Variants in GLIS3 observed in about 807,000 individuals in gnomAD.
The protein encoded by GLIS3 is GLIS family zinc finger 3, also known as zinc finger protein GLIS3.
A neutral mutation model predicts 78.6 loss-of-function variants in GLIS3; 53 were observed. The observed-to-expected ratio is 0.67, with a 90% CI of 0.54 to 0.85. The LOEUF (loss-of-function observed/expected upper bound fraction) is 0.85, where lower values mean the gene tolerates loss of function less well. GLIS3 is among the 40% of genes least tolerant of loss of function. GLIS3 has a pLI of 0.00. For missense variants in GLIS3, 1,703 were observed against 1,231.1 expected, an observed-to-expected ratio of 1.38 and a Z score of -5.74; for synonymous variants, 684 against 509.9, an observed-to-expected ratio of 1.34 and a Z score of -4.60.
chr9:4,022,785 A>T (rs1442371846), intron 4 of GLIS3, among the ~76,000 whole-genome samples: 2 of 152,250 alleles, frequency 1.3e-5, no homozygotes, highest in Admixed American at 1.3e-4. Flanking sequence ...TGAATATCCC[A>T]AGGTGATTAC....
intron 6 of GLIS3, among the ~76,000 whole-genome samples, chr9:3,904,629 C>T (rs1823537233): frequency 1.3e-5 from 2 of 152,154 alleles, no homozygotes; most frequent in Non-Finnish European, 2.9e-5. Context: ...GGTTGAATCC[C>T]ACAGAAAAGG....
chr9:4,278,638 T>C (rs1827239774), intron 2 of GLIS3, among the ~76,000 whole-genome samples: 1 of 152,150 alleles, frequency 6.6e-6, no homozygotes, highest in Admixed American at 6.5e-5. Flanking sequence ...ATAGCAGGAA[T>C]AAAAGAATCA....
chr9:4,310,059 C>G (rs1230428925), intron 3 of GLIS3, among the ~76,000 whole-genome samples: 2 of 152,168 alleles, frequency 1.3e-5, no homozygotes, highest in Non-Finnish European at 2.9e-5. Flanking sequence ...CTGAGGATGC[C>G]AAACCATCAG....
chr9:3,938,522 C>T (rs191604338), intron 4 of GLIS3, among the ~76,000 whole-genome samples: 21 of 151,922 alleles, frequency 1.4e-4, no homozygotes, highest in Admixed American at 8.5e-4. Context: ...AAATAAGGGA[C>T]GAACTAAGTA....
the GLIS3 span, among the ~76,000 whole-genome samples, chr9:4,395,102 C>T: frequency 6.6e-6 from 1 of 152,182 alleles, no homozygotes; most frequent in Non-Finnish European, 1.5e-5. Context: ...TATTGCATGT[C>T]TCCAACATAC....
At chr9:3,843,708 T>A (rs1055730678) in intron 9 of GLIS3, among the ~76,000 whole-genome samples, 3 of 152,192 alleles carry the variant, frequency 2.0e-5, no homozygotes, top group Non-Finnish European at 4.4e-5. Context: ...TCATGGGTAT[T>A]GACAAAAATA....
chr9:3,990,692 C>T (rs1048260205), intron 4 of GLIS3, among the ~76,000 whole-genome samples: 4 of 152,192 alleles, frequency 2.6e-5, no homozygotes, highest in African/African-American at 7.2e-5. Context: ...GAAAATTTCA[C>T]ACTCAGACAG....
At chr9:3,839,330 A>T (rs1315473774) in intron 9 of GLIS3, among the ~76,000 whole-genome samples, 1 of 152,212 alleles carries the variant, frequency 6.6e-6, no homozygotes. Flanking sequence ...ACAAATGGGC[A>T]GCAGAATGAA....
At chr9:4,380,641 G>T in the GLIS3 span, among the ~76,000 whole-genome samples, 6 of 152,076 alleles carry the variant, frequency 3.9e-5, no homozygotes, top group Non-Finnish European at 8.8e-5. Context: ...TGGATATTTA[G>T]CAAGCTACCT....
chr9:4,355,682 C>T, the GLIS3 span, among the ~76,000 whole-genome samples: 15 of 152,286 alleles, frequency 9.8e-5, no homozygotes, highest in Non-Finnish European at 1.5e-4. Context: ...GACACTAACT[C>T]AGCAAACCTC....
intron 9 of GLIS3, among the ~76,000 whole-genome samples, chr9:3,832,127 A>G (rs1818079592): frequency 6.6e-6 from 1 of 151,508 alleles, no homozygotes; most frequent in Non-Finnish European, 1.5e-5. Flanking sequence ...GGTTAATAAT[A>G]GTAATTACAT....
intron 4 of GLIS3, among the ~76,000 whole-genome samples, chr9:3,994,206 T>G (rs1189636333): frequency 2.0e-5 from 3 of 152,236 alleles, no homozygotes; most frequent in African/African-American, 7.2e-5. Context: ...AAGCACCTGT[T>G]GGATCTATGA....
At chr9:3,956,170 G>C (rs1380044938) in intron 4 of GLIS3, among the ~76,000 whole-genome samples, 1 of 151,394 alleles carries the variant, frequency 6.6e-6, no homozygotes, top group African/African-American at 2.4e-5. Flanking sequence ...CCATTCTTTA[G>C]TGTACCAGTT....
chr9:4,426,451 G>A, the GLIS3 span, among the ~76,000 whole-genome samples: 1 of 152,268 alleles, frequency 6.6e-6, no homozygotes, highest in Non-Finnish European at 1.5e-5. Flanking sequence ...GCCTTCTTCT[G>A]CCCTCTGTCT....
intron 4 of GLIS3, among the ~76,000 whole-genome samples, chr9:4,084,968 G>C (rs1828898291): frequency 1.3e-5 from 2 of 149,224 alleles, no homozygotes; most frequent in Admixed American, 6.8e-5. Context: ...TGGCTATCAA[G>C]TTTTACAAAC....
At chr9:3,946,543 A>T in intron 4 of GLIS3, among the ~76,000 whole-genome samples, 1 of 152,350 alleles carries the variant, frequency 6.6e-6, no homozygotes, top group African/African-American at 2.4e-5. Context: ...AACTACTGTA[A>T]AATGTATCTT....
intron 4 of GLIS3, among the ~76,000 whole-genome samples, chr9:4,059,982 G>T (rs1339816276): frequency 1.3e-5 from 2 of 151,958 alleles, no homozygotes; most frequent in Non-Finnish European, 2.9e-5. Context: ...TACACATGTT[G>T]AATCAGAACC....
chr9:3,868,875 TG>T (rs1448949324), intron 8 of GLIS3, among the ~76,000 whole-genome samples: 11 of 150,672 alleles, frequency 7.3e-5, no homozygotes, highest in African/African-American at 2.4e-4. Context: ...ATAGTCTTCT[TG>T]CCTGTAGGCT....
At chr9:4,261,121 G>A (rs1336978367) in intron 2 of GLIS3, among the ~76,000 whole-genome samples, 1 of 152,182 alleles carries the variant, frequency 6.6e-6, no homozygotes, top group Non-Finnish European at 1.5e-5. Flanking sequence ...CCAGAAAACT[G>A]ACTGGGGAAC....
Sources: allele counts gnomAD v4.1 joint callset (sites outside exome capture counted in the v4.1 genomes callset), GRCh38; gene constraint gnomAD v4.1.1; transcripts MANE v1.5; gene names NCBI Gene and HGNC (gene_info 2026-07-23, HGNC 2026-07-21).